Variants in CRYL1 observed in about 807,000 individuals in gnomAD.
CRYL1 encodes crystallin lambda 1.
Under a neutral mutation model 36.6 loss-of-function variants are expected in CRYL1, and 29 were observed. The observed-to-expected ratio is 0.79, with a 90% CI of 0.59 to 1.08. CRYL1 has a LOEUF of 1.08. Among genes scored for constraint, CRYL1 ranks in the 50% least tolerant of loss-of-function variants. The pLI is 0.00. For synonymous variants in CRYL1, 152 were observed against 151.5 expected, an observed-to-expected ratio of 1.00 and a Z score of -0.02; for missense variants, 411 against 407.9, an observed-to-expected ratio of 1.01 and a Z score of -0.06.
chr13:20,443,567 AT>A lies in CRYL1; in HGVS notation c.277-3814del, dbSNP rs542309340. 3.1e-3 allele frequency among the ~76,000 whole-genome samples: 477 copies of A among 151,906 alleles called. 4 individuals carry two copies. Among genetic ancestry groups the A allele is most frequent in the Non-Finnish European group, 4.4e-3 (301 of 67,966 alleles). On this transcript the variant is annotated intron_variant, in intron 3 of 7. Transcript: ENST00000298248. ...ACCACCACACCCGGCTAATTTTTGT[AT>A]TTTTAGTAGAGACAGGGCTTCATCA... is the stretch of plus-strand genomic sequence containing the variant.
chr13:20,486,427 A>G (rs1362335426), intron 3 of CRYL1, among the ~76,000 whole-genome samples: 2 of 151,822 alleles, frequency 1.3e-5, no homozygotes, highest in Non-Finnish European at 2.9e-5. Context: ...GGGACTTCTC[A>G]TCTCATTCAT....
chr13:20,404,104 G>A lies in CRYL1; in HGVS notation c.*25C>T. 2 of 1,496,096 alleles carry A rather than the reference G, an allele frequency of 1.3e-6. No homozygotes were observed. The highest frequency in any genetic ancestry group is 1.4e-5 in the African/African-American group (1 of 72,840). The allele number at this position is 1,496,096 out of a possible 1,614,324, so 92.7% of individuals were successfully genotyped here. ...TCCCAAATAGGGCCTCCAATGAGAG[G>A]AGTGGAAGCTGCATTACAAGAAATT... On this transcript the variant is annotated 3_prime_UTR_variant, in exon 8 of 8. Coordinates refer to ENST00000298248, the MANE Select transcript of CRYL1 (RefSeq NM_015974.3).
intron 5 of CRYL1, among the ~76,000 whole-genome samples, chr13:20,424,294 G>A (rs2031885812): frequency 6.6e-6 from 1 of 152,214 alleles, no homozygotes; most frequent in Non-Finnish European, 1.5e-5. Flanking sequence ...CAACAGAGGT[G>A]CTGCTGAGTG....
chr13:20,443,771 A>G lies in CRYL1; in HGVS notation c.277-4017T>C, dbSNP rs2032398440. On this transcript the variant is annotated intron_variant, in intron 3 of 7. Coordinates refer to ENST00000298248, the MANE Select transcript of CRYL1 (RefSeq NM_015974.3). ...TGCAAGATATCTGGAAGCAGCTTTC[A>G]ACGTGCTTTACAGAAAGAAAAAACA... 3.3e-5 allele frequency among the ~76,000 whole-genome samples: 5 copies of G among 152,374 alleles called. No homozygotes were observed. In the South Asian group the frequency reaches 1.0e-3, roughly 32 times the overall value.
chr13:20,465,237 C>T (rs116845937), intron 3 of CRYL1, among the ~76,000 whole-genome samples: 86 of 152,300 alleles, frequency 5.6e-4, no homozygotes, highest in Admixed American at 1.7e-3. Context: ...CAAGGTTTCG[C>T]AGCAGGCAGC....
chr13:20,439,514 C>CAAAAAAAAAAAAAAAAAAAAAAAAAAA lies in CRYL1; in HGVS notation c.438+78_438+79insTTTTTTTTTTTTTTTTTTTTTTTTTTT, dbSNP rs56087130. ...ACAAGTTATTGACCCCCCTCCCCCG[C>CAAAAAAAAAAAAAAAAAAAAAAAAAAA]AAAAAAAAAAAAAAAAGAAAAAAAA... On this transcript the variant is annotated intron_variant, in intron 4 of 7. Coordinates refer to ENST00000298248, the MANE Select transcript of CRYL1 (RefSeq NM_015974.3). The CAAAAAAAAAAAAAAAAAAAAAAAAAAA allele has an allele frequency of 3.9e-4, 130 of 331,800 alleles. 10 individuals are homozygous for CAAAAAAAAAAAAAAAAAAAAAAAAAAA. The highest frequency in any genetic ancestry group is 1.1e-3 in the East Asian group (13 of 11,866). 20.6% of individuals were successfully genotyped at this position (331,800 alleles called of 1,614,324 possible). A position where few individuals can be genotyped will look rare whatever the true frequency, so the allele number is the denominator to read the frequency against.
chr13:20,500,630 A>T (rs2033685024), intron 2 of CRYL1, among the ~76,000 whole-genome samples: 1 of 152,196 alleles, frequency 6.6e-6, no homozygotes, highest in African/African-American at 2.4e-5. Context: ...GGAGAAAAAG[A>T]TTGTGTTTCA....
chr13:20,413,458 T>C, intron 5 of CRYL1, 71 bp from the exon 6 acceptor site: 1 of 947,596 alleles, frequency 1.1e-6, no homozygotes, highest in Non-Finnish European at 1.7e-6. Flanking sequence ...ACTTCCATCC[T>C]AACTTCTTTA....
intron 3 of CRYL1, among the ~76,000 whole-genome samples, chr13:20,478,785 G>A (rs537544023): frequency 4.0e-5 from 6 of 151,752 alleles, no homozygotes; most frequent in African/African-American, 9.7e-5. Context: ...CCCTCTTCTC[G>A]CTCTGTTGCC....
chr13:20,488,805 C>CCG (rs2033450368), intron 3 of CRYL1, among the ~76,000 whole-genome samples: 1 of 152,214 alleles, frequency 6.6e-6, no homozygotes, highest in Non-Finnish European at 1.5e-5. Context: ...GAGCGGGATG[C>CCG]CTGGAAAGAG....
chr13:20,483,615 C>A (rs1266672104), intron 3 of CRYL1, among the ~76,000 whole-genome samples: 5 of 152,188 alleles, frequency 3.3e-5, no homozygotes, highest in African/African-American at 9.6e-5. Flanking sequence ...TCTCAGCTTA[C>A]TGCAACCTCC....
chr13:20,523,828 C>T (rs2034139187), intron 1 of CRYL1, among the ~76,000 whole-genome samples: 1 of 152,204 alleles, frequency 6.6e-6, no homozygotes, highest in Non-Finnish European at 1.5e-5. Flanking sequence ...CAACATCCCT[C>T]AAGGAATCAG....
intron 3 of CRYL1, among the ~76,000 whole-genome samples, chr13:20,445,715 A>C (rs752959626): frequency 6.6e-6 from 1 of 152,248 alleles, no homozygotes; most frequent in Non-Finnish European, 1.5e-5. Flanking sequence ...TGAAATAACT[A>C]TAATTAAGAT....
rs1398267775 is a variant in CRYL1, at chr13:20,403,927, T to C, written c.*202A>G. 1.9e-5 allele frequency: 8 copies of C among 412,676 alleles called. No individual in the cohort carries two copies. Among genetic ancestry groups the C allele is most frequent in the Non-Finnish European group, 2.6e-5 (6 of 232,616 alleles). The allele number at this position is 412,676 out of a possible 1,614,324, so 25.6% of individuals were successfully genotyped here. Reference sequence around the variant, plus strand: ...TCGACAGCCCCGAGAACGCAAGTGCTGCTGTGCCGCCAGGCCCAGGGCTAT... The same window carrying C: ...TCGACAGCCCCGAGAACGCAAGTGCCGCTGTGCCGCCAGGCCCAGGGCTAT... On this transcript the variant is annotated 3_prime_UTR_variant, in exon 8 of 8. Coordinates refer to ENST00000298248, the MANE Select transcript of CRYL1 (RefSeq NM_015974.3).
intron 5 of CRYL1, 68 bp downstream of exon 5, chr13:20,432,034 A>C: frequency 1.2e-6 from 2 of 1,611,660 alleles, no homozygotes; most frequent in East Asian, 4.5e-5. Context: ...GTCCTGCTCA[A>C]CTTTGAGAGG....
At chr13:20,463,676 C>T (rs1204982166) in intron 3 of CRYL1, among the ~76,000 whole-genome samples, 1 of 152,168 alleles carries the variant, frequency 6.6e-6, no homozygotes, top group African/African-American at 2.4e-5. Flanking sequence ...GGGTCCCACA[C>T]AAATTGAAAC....
chr13:20,498,004 G>T (rs1305857273), intron 2 of CRYL1, among the ~76,000 whole-genome samples: 2 of 149,956 alleles, frequency 1.3e-5, no homozygotes, highest in South Asian at 4.2e-4. Flanking sequence ...TCACATTTTT[G>T]ATGCTTTTGG....
At chr13:20,515,258 G>A (rs1223616613) in intron 1 of CRYL1, among the ~76,000 whole-genome samples, 3 of 152,146 alleles carry the variant, frequency 2.0e-5, no homozygotes, top group African/African-American at 7.2e-5. Flanking sequence ...AATTGATTGT[G>A]GTGATGGATG....
intron 3 of CRYL1, among the ~76,000 whole-genome samples, chr13:20,443,351 T>C (rs1315749530): frequency 6.6e-6 from 1 of 152,196 alleles, no homozygotes; most frequent in Non-Finnish European, 1.5e-5. Context: ...TCAAGTTTGT[T>C]ATTGTTGTTT....
Sources: gnomAD v4.1 joint callset for allele counts (sites outside exome capture counted in the v4.1 genomes callset) on GRCh38, gnomAD v4.1.1 for gene constraint, MANE v1.5 for transcripts, NCBI Gene and HGNC (gene_info 2026-07-23, HGNC 2026-07-21) for gene names.